COL12A1: variants seen among roughly 807,000 people sequenced by gnomAD.
COL12A1 encodes collagen alpha-1(XII) chain.
In COL12A1, 114 loss-of-function variants were observed where a neutral mutation model predicts 349.7. The observed-to-expected ratio is 0.33, with a 90% confidence interval of 0.28 to 0.38. The LOEUF (loss-of-function observed/expected upper bound fraction) is 0.38, where lower values mean the gene tolerates loss of function less well. COL12A1 is among the 10% of genes least tolerant of loss of function. The pLI, the probability that COL12A1 is intolerant of heterozygous loss-of-function variation, is 1.00. For synonymous variants in COL12A1, 1,369 were observed against 1,329.0 expected (o/e 1.03, Z -0.66); for missense variants, 3,284 against 3,756.9 (o/e 0.87, Z 3.29).
chr6:75,113,393 G>A, intron 50 of COL12A1, 80 bp from the exon 51 acceptor site: 1 of 1,034,354 alleles, frequency 9.7e-7, no homozygotes. Context: ...AATTCTTGTT[G>A]GAGAGATTTC....
At chr6:75,188,610 C>A in intron 7 of COL12A1, 75 bp from the exon 8 acceptor site, 4 of 1,488,144 alleles carry the variant, frequency 2.7e-6, no homozygotes, top group Non-Finnish European at 3.7e-6. Context: ...TTCGTTTTCT[C>A]CATCTTTCAC....
Position 75,183,934 on chromosome 6 carries a change from C to T in COL12A1, c.1208G>A (p.Ser403Asn). The T allele has an allele frequency of 6.2e-7, 1 of 1,614,176 alleles. No homozygotes were observed. Among genetic ancestry groups the T allele is most frequent in the Non-Finnish European group, 8.5e-7 (1 of 1,180,024 alleles). ...DLSADTEYQI[S>N]VSAMKGMTSS... is the part of the protein sequence containing the mutation. ...TGTCATTCCCTTCATGGCGGAAACA[C>T]TGATCTGGTATTCTGTGTCTGCTGA... The change falls in exon 9 of 66, where the codon AGT (serine) becomes AAT (asparagine). Residue 403 changes from serine to asparagine, a missense_variant. Ser to Asn is a conservative substitution (Grantham distance 46). Transcript: ENST00000322507.
chr6:75,124,164 T>A (rs1385753560), intron 41 of COL12A1, 70 bp from the exon 42 acceptor site: 3 of 1,594,722 alleles, frequency 1.9e-6, no homozygotes, highest in Non-Finnish European at 2.6e-6. Context: ...TTATATCGCA[T>A]TGTTATAAAC....
chr6:75,109,756 G>A (rs531292831), intron 51 of COL12A1, among the ~76,000 whole-genome samples: 7 of 152,050 alleles, frequency 4.6e-5, no homozygotes, highest in South Asian at 2.1e-4. Flanking sequence ...TTTATTTTTC[G>A]TTTGCTACTG....
At chr6:75,194,704 G>C (rs1205847902) in intron 3 of COL12A1, 127 bp downstream of exon 3, 2 of 563,482 alleles carry the variant, frequency 3.5e-6, no homozygotes, top group East Asian at 5.7e-5. Context: ...CAAATGTCTG[G>C]TGACATGGAT....
chr6:75,156,437 C>G lies in COL12A1; in HGVS notation c.3070G>C (p.Val1024Leu), dbSNP rs200985706. The G allele has an allele frequency of 3.7e-6, 6 of 1,613,804 alleles. No individual in the cohort carries two copies. The African/African-American group carries it at 6.7e-5, about 18-fold the overall frequency. ...GGGCGATAGACAACACGGTAGTTGA[C>G]GACTTTCCCTGGTGCTGGTTTCCAT... ...VTWKPAPGKVVNYRVVYRPHG... is the reference protein window; with the variant it reads ...VTWKPAPGKVLNYRVVYRPHG... The change falls in exon 15 of 66, where the codon GTC (valine) becomes CTC (leucine). Residue 1024 changes from valine (V) to leucine (L), a missense_variant. By Grantham distance (32) the Val-to-Leu change is conservative. Around this residue, in one of 2 missense-constraint regions of COL12A1, gnomAD observed 2,601 missense variants for 2,824.8 expected, o/e 0.92. Transcript: ENST00000322507.
intron 60 of COL12A1, among the ~76,000 whole-genome samples, chr6:75,093,073 G>C (rs935068121): frequency 2.6e-5 from 4 of 152,130 alleles, no homozygotes; most frequent in African/African-American, 9.7e-5. Flanking sequence ...CTAGATGACT[G>C]TATCCAAAAT....
chr6:75,144,401 G>C (rs1767071356), intron 25 of COL12A1, among the ~76,000 whole-genome samples: 1 of 152,152 alleles, frequency 6.6e-6, no homozygotes, highest in Non-Finnish European at 1.5e-5. Context: ...CCATCCTGTA[G>C]GGGATCTTTC....
At chr6:75,147,208 C>A (rs1468159123) in intron 23 of COL12A1, among the ~76,000 whole-genome samples, 1 of 152,218 alleles carries the variant, frequency 6.6e-6, no homozygotes, top group Admixed American at 6.5e-5. Flanking sequence ...AAATCGGTAT[C>A]TCTGTACGCT....
intron 1 of COL12A1, among the ~76,000 whole-genome samples, chr6:75,203,874 C>T (rs1770647731): frequency 6.6e-6 from 1 of 152,170 alleles, no homozygotes; most frequent in Non-Finnish European, 1.5e-5. Context: ...AGCCAACAGC[C>T]TAGGCCTCAG....
At chr6:75,154,579 G>A in intron 16 of COL12A1, 42 bp from the exon 17 acceptor site, 1 of 1,539,986 alleles carries the variant, frequency 6.5e-7, no homozygotes, top group East Asian at 2.3e-5. Flanking sequence ...AGAACCATAG[G>A]CTCAAGTGGT....
chr6:75,161,101 G>T (rs1768005870), intron 14 of COL12A1, among the ~76,000 whole-genome samples: 1 of 151,972 alleles, frequency 6.6e-6, no homozygotes, highest in Non-Finnish European at 1.5e-5. Context: ...ACTCACTCAG[G>T]CTGGGACCAC....
intron 21 of COL12A1, among the ~76,000 whole-genome samples, chr6:75,150,125 A>G (rs1044749042): frequency 6.6e-6 from 1 of 152,154 alleles, no homozygotes; most frequent in African/African-American, 2.4e-5. Context: ...AACTTATTCC[A>G]ACTTTTCCAA....
At position 75,152,462 on chromosome 6, in the gene COL12A1, C is replaced by A; in HGVS notation, c.3586G>T (p.Ala1196Ser). 1.2e-6 allele frequency: 2 copies of A among 1,613,448 alleles called. No individual in the cohort carries two copies. The highest frequency in any genetic ancestry group is 1.7e-6 in the Non-Finnish European group (2 of 1,179,602). The stretch of plus-strand genomic sequence containing the variant: ...ACCAGCAACACAATGTCTGCCTCAG[C>A]TCTGGTGAGACACTCCATCCCTGAC... ...LSSGMECLTR[A>S]EADIVLLVDG... is the part of the protein sequence containing the mutation. The change falls in exon 18 of 66, where the codon GCT becomes TCT. Residue 1196 changes from alanine (A) to serine (S), a missense_variant. Around this residue, in one of 2 missense-constraint regions of COL12A1, gnomAD observed 2,601 missense variants for 2,824.8 expected, o/e 0.92. Coordinates refer to ENST00000322507, the MANE Select transcript of COL12A1 (RefSeq NM_004370.6).
intron 23 of COL12A1, among the ~76,000 whole-genome samples, chr6:75,146,848 T>C (rs1345911225): frequency 6.6e-6 from 1 of 152,170 alleles, no homozygotes; most frequent in East Asian, 1.9e-4. Context: ...ATAAAATACA[T>C]TATTTCTCAC....
In COL12A1 at chr6:75,101,991, C is replaced by T. The variant is rs1217579271; in HGVS notation, c.8469+8G>A. 6.2e-7 allele frequency: 1 copy of T among 1,614,010 alleles called. No homozygotes were observed. Among genetic ancestry groups the T allele is most frequent in the Admixed American group, 1.7e-5 (1 of 59,996 alleles). ...GCACATGACAGGGCAACTTAGAGACCAACTCACTGTTCGGCCTGGAAGTCC... is the reference window on the plus strand; with the variant it reads ...GCACATGACAGGGCAACTTAGAGACTAACTCACTGTTCGGCCTGGAAGTCC... On this transcript the variant is annotated splice_region_variant and intron_variant, in intron 57 of 65. Transcript: ENST00000322507.
chr6:75,105,084 G>T, intron 54 of COL12A1, 122 bp downstream of exon 54: 1 of 681,970 alleles, frequency 1.5e-6, no homozygotes, highest in South Asian at 2.3e-5. Context: ...CTGCAATTTA[G>T]CTTGCTCTAT....
chr6:75,095,774 T>A (rs2149334885), intron 59 of COL12A1, among the ~76,000 whole-genome samples: 1 of 152,352 alleles, frequency 6.6e-6, no homozygotes, highest in Admixed American at 6.5e-5. Flanking sequence ...GTTTCACAAT[T>A]TAAGACTATG....
In COL12A1 at chr6:75,192,269, T is replaced by C. The variant is rs1769971033; in HGVS notation, c.277A>G (p.Thr93Ala). 2 of 1,610,988 alleles carry C rather than the reference T, an allele frequency of 1.2e-6. No individual in the cohort carries two copies. Among genetic ancestry groups the C allele is most frequent in the Non-Finnish European group, 1.7e-6 (2 of 1,178,238 alleles). The stretch of plus-strand genomic sequence containing the variant: ...TCTACTTCATCATATGAAGTTATTG[T>C]CACCACATACTCTGTTTCAGGTACA... Reference protein sequence around the residue: ...ELVPETEYVVTITSYDEVEES... With the variant: ...ELVPETEYVVAITSYDEVEES... The change falls in exon 4 of 66, where the codon ACA (threonine) becomes GCA (alanine). Residue 93 changes from threonine (T) to alanine (A), a missense_variant. Physicochemically the swap from Thr to Ala is moderately conservative, Grantham distance 58. Around this residue, in one of 2 missense-constraint regions of COL12A1, gnomAD observed 2,601 missense variants for 2,824.8 expected, o/e 0.92. Transcript: ENST00000322507.
Sources: allele counts gnomAD v4.1 joint callset (sites outside exome capture counted in the v4.1 genomes callset), GRCh38; gene constraint gnomAD v4.1.1; regional missense constraint gnomAD v4.1.1; transcripts MANE v1.5; gene names NCBI Gene and HGNC (gene_info 2026-07-23, HGNC 2026-07-21).